Variants in PCDHA1 observed in about 807,000 individuals in gnomAD.
The protein encoded by PCDHA1 is protocadherin alpha 1.
A neutral mutation model predicts 61.3 loss-of-function variants in PCDHA1; 42 were observed. The observed-to-expected ratio is 0.69, with a 90% CI of 0.54 to 0.89. The LOEUF is 0.89. Among genes scored for constraint, PCDHA1 ranks in the 40% least tolerant of loss-of-function variants. PCDHA1 has a pLI of 0.00. For synonymous variants in PCDHA1, 610 were observed against 553.8 expected, an observed-to-expected ratio of 1.10 and a Z score of -1.43; for missense variants, 1,256 against 1,235.3, an observed-to-expected ratio of 1.02 and a Z score of -0.25.
chr5:140,895,447 G>T (rs1188860605), intron 1 of PCDHA1, among the ~76,000 whole-genome samples: 1 of 152,060 alleles, frequency 6.6e-6, no homozygotes, highest in South Asian at 2.1e-4. Flanking sequence ...CTTTTCATGT[G>T]CTTATTGGTC....
In PCDHA1 at chr5:141,000,775, C is replaced by T. The variant is rs919489031; in HGVS notation, c.2543-8852C>T. 3.3e-5 allele frequency among the ~76,000 whole-genome samples: 5 copies of T among 151,752 alleles called. No homozygotes were observed. In the East Asian group the frequency reaches 5.8e-4, roughly 18 times the overall value. On this transcript the variant is annotated intron_variant, in intron 3 of 3. Transcript: ENST00000504120. ...AAAAAATCTTAGCCAGGCATAGTGG[C>T]GCACACCTGTATTCCTAGCTACTCA...
chr5:140,993,661 A>G (rs902592339), intron 3 of PCDHA1, among the ~76,000 whole-genome samples: 1 of 152,182 alleles, frequency 6.6e-6, no homozygotes, highest in African/African-American at 2.4e-5. Flanking sequence ...TTGGTTAACA[A>G]TGGACCACAT....
intron 1 of PCDHA1, among the ~76,000 whole-genome samples, chr5:140,793,825 G>T (rs1761809828): frequency 6.6e-6 from 1 of 151,982 alleles, no homozygotes; most frequent in South Asian, 2.1e-4. Context: ...TAATGGAAAA[G>T]GAATATTCTA....
intron 1 of PCDHA1, chr5:140,877,691 T>G: frequency 6.2e-7 from 1 of 1,613,746 alleles, no homozygotes. Context: ...CCCACGCTGG[T>G]GTGCTCCAGC....
At chr5:140,927,601 G>A (rs1490799029) in intron 1 of PCDHA1, 1 of 1,614,198 alleles carries the variant, frequency 6.2e-7, no homozygotes, top group Non-Finnish European at 8.5e-7. Flanking sequence ...TGAGCGCTCC[G>A]TATACCGCAC....
At chr5:140,943,376 C>G (rs2093486935) in intron 1 of PCDHA1, among the ~76,000 whole-genome samples, 1 of 150,084 alleles carries the variant, frequency 6.7e-6, no homozygotes, top group Non-Finnish European at 1.5e-5. Flanking sequence ...TTAAAATATA[C>G]AGGTAAGAAA....
At chr5:140,810,596 T>C (rs1298565134) in intron 1 of PCDHA1, 1 of 152,236 alleles carries the variant, frequency 6.6e-6, no homozygotes, top group Non-Finnish European at 1.5e-5. Context: ...TATTTTATTT[T>C]GGCAATTTTT....
At chr5:140,802,285 C>A (rs958561465) in intron 1 of PCDHA1, 1 of 1,614,230 alleles carries the variant, frequency 6.2e-7, no homozygotes, top group Non-Finnish European at 8.5e-7. Flanking sequence ...TTAGAAGACT[C>A]TCCACTTAGC....
At chr5:140,835,589 G>T (rs2150238885) in intron 1 of PCDHA1, 2 of 1,613,920 alleles carry the variant, frequency 1.2e-6, no homozygotes, top group South Asian at 1.1e-5. Flanking sequence ...CCACCTTCAA[G>T]AATTACTATT....
chr5:140,821,250 T>C (rs1408242957), intron 1 of PCDHA1, among the ~76,000 whole-genome samples: 3 of 152,206 alleles, frequency 2.0e-5, no homozygotes, highest in African/African-American at 7.2e-5. Context: ...AAACTTTAAC[T>C]CTTAAAAGTT....
chr5:140,914,229 TA>T (rs1253173765), intron 1 of PCDHA1, among the ~76,000 whole-genome samples: 3 of 152,224 alleles, frequency 2.0e-5, no homozygotes, highest in Non-Finnish European at 4.4e-5. Flanking sequence ...GCTCTAATAC[TA>T]TTTGCTTTTT....
intron 1 of PCDHA1, chr5:140,882,740 T>A (rs1554175394): frequency 6.2e-7 from 1 of 1,614,198 alleles, no homozygotes; most frequent in African/African-American, 1.3e-5. Flanking sequence ...AGATGGCGCA[T>A]CCGATGCAGA....
Position 140,787,856 on chromosome 5 carries a change from C to A in PCDHA1, c.1566C>A (p.Pro522=). 6.2e-7 allele frequency: 1 copy of A among 1,612,918 alleles called. No homozygotes were observed. Among genetic ancestry groups the A allele is most frequent in the Non-Finnish European group, 8.5e-7 (1 of 1,179,824 alleles). Residue 522 remains proline (P), a synonymous_variant, in exon 1 of 4, where the codon CCC becomes CCA. Coordinates refer to ENST00000504120, the MANE Select transcript of PCDHA1 (RefSeq NM_018900.4). ...AESGKVYALQ[P]LDHEELELLQ... ...GCGGCAAGGTGTACGCACTGCAGCC[C>A]CTGGACCACGAGGAGCTGGAGCTGC...
chr5:140,853,444 A>G, intron 1 of PCDHA1: 1 of 982,390 alleles, frequency 1.0e-6, no homozygotes, highest in Non-Finnish European at 1.2e-6. Context: ...TATTTTGCCT[A>G]ATAGGTCTCC....
chr5:140,963,680 T>G (rs1482854996), intron 1 of PCDHA1, among the ~76,000 whole-genome samples: 1 of 152,238 alleles, frequency 6.6e-6, no homozygotes, highest in African/African-American at 2.4e-5. Context: ...TTAAATGTGT[T>G]TATCCGTGTT....
chr5:140,941,438 C>T (rs1408570275), intron 1 of PCDHA1, among the ~76,000 whole-genome samples: 4 of 150,764 alleles, frequency 2.7e-5, no homozygotes, highest in African/African-American at 7.3e-5. Context: ...GCCTCAGCCT[C>T]GGGAGTAGCT....
At chr5:140,803,791 T>G in intron 1 of PCDHA1, 1 of 827,544 alleles carries the variant, frequency 1.2e-6, no homozygotes, top group Non-Finnish European at 1.8e-6. Flanking sequence ...AGTTATGATA[T>G]CCACACTTGT....
intron 1 of PCDHA1, among the ~76,000 whole-genome samples, chr5:140,935,656 CTTTTA>C (rs1300447387): frequency 6.6e-6 from 1 of 151,868 alleles, no homozygotes; most frequent in African/African-American, 2.4e-5. Context: ...TTTTAATTTT[CTTTTA>C]TAATTATGTG....
At chr5:140,802,664 G>T in intron 1 of PCDHA1, 1 of 1,613,542 alleles carries the variant, frequency 6.2e-7, no homozygotes, top group African/African-American at 1.3e-5. Flanking sequence ...AGAACGCCCT[G>T]GTGTCCTACT....
Sources: allele counts gnomAD v4.1 joint callset (sites outside exome capture counted in the v4.1 genomes callset), GRCh38; gene constraint gnomAD v4.1.1; transcripts MANE v1.5; gene names NCBI Gene and HGNC (gene_info 2026-07-23, HGNC 2026-07-21).